ADCY6: variants seen among roughly 807,000 people sequenced by gnomAD.
The protein encoded by ADCY6 is adenylate cyclase type 6.
A neutral mutation model predicts 111.6 loss-of-function variants in ADCY6; 59 were observed. The observed-to-expected ratio is 0.53, with a 90% CI of 0.43 to 0.66. ADCY6 has a LOEUF of 0.66. ADCY6 is among the 30% of genes least tolerant of loss of function. ADCY6 has a pLI of 0.00. For synonymous variants in ADCY6, 576 were observed against 642.9 expected (o/e 0.90, Z 1.57); for missense variants, 1,242 against 1,595.6 (o/e 0.78, Z 3.78).
At chr12:48,779,476 T>C (rs1941790016) in intron 2 of ADCY6, among the ~76,000 whole-genome samples, 1 of 152,144 alleles carries the variant, frequency 6.6e-6, no homozygotes, top group Non-Finnish European at 1.5e-5. Flanking sequence ...TTGAGAGTCA[T>C]CAGTTCTACT....
chr12:48,772,686 A>C (rs763798700), intron 16 of ADCY6, 143 bp from the exon 17 acceptor site: 25 of 931,474 alleles, frequency 2.7e-5, no homozygotes, highest in Non-Finnish European at 3.6e-5. Context: ...TACATTAATT[A>C]ACTCATTAAG....
rs1457723867 is a variant in ADCY6, at chr12:48,777,929, G to A, written c.1014+179C>T. Among the ~76,000 whole-genome samples the A allele has an allele frequency of 6.6e-6, 1 of 152,062 alleles. No individual in the cohort carries two copies. The highest frequency in any genetic ancestry group is 1.5e-5 in the Non-Finnish European group (1 of 68,014). On this transcript the variant is annotated intron_variant, in intron 3 of 21. Coordinates refer to ENST00000357869, the MANE Select transcript of ADCY6 (RefSeq NM_015270.5). This position sits in a 1 kb window ranked among gnomAD's most constrained non-coding sequence, Gnocchi z 4.9. ...CCATTGAGCCCCCAGATGTGCTCCT[G>A]TCTACGCCCTCCTTCCCTTGGACAG...
intron 14 of ADCY6, 125 bp from the exon 15 acceptor site, chr12:48,774,223 C>A: frequency 9.3e-7 from 1 of 1,077,984 alleles, no homozygotes; most frequent in Non-Finnish European, 1.4e-6. Flanking sequence ...CCTTAGTACT[C>A]ACTCAGGGAT....
chr12:48,768,238 A>G lies in ADCY6; in HGVS notation c.*353T>C, dbSNP rs1941427547. On this transcript the variant is annotated 3_prime_UTR_variant, in exon 22 of 22. Transcript: ENST00000357869. The stretch of plus-strand genomic sequence containing the variant: ...AGCCCTGAACCTGCTGCCCAGACAG[A>G]CAGGGAAGGGTAGGCATGGCAAGCT... 5.5e-6 allele frequency: 2 copies of G among 365,594 alleles called. No individual in the cohort carries two copies. Among genetic ancestry groups the G allele is most frequent in the South Asian group, 5.6e-5 (2 of 35,452 alleles). The allele number at this position is 365,594 out of a possible 1,614,324, so 22.6% of individuals were successfully genotyped here.
intron 1 of ADCY6, among the ~76,000 whole-genome samples, chr12:48,787,076 G>A (rs994345864): frequency 2.0e-5 from 3 of 152,228 alleles, no homozygotes; most frequent in Non-Finnish European, 4.4e-5. Flanking sequence ...CGTCTTTCTA[G>A]CCAGTCAGAT....
Position 48,783,293 on chromosome 12 carries a change from G to A in ADCY6, c.142C>T (p.Arg48Trp), listed in dbSNP as rs755269541. ...GTGGGGCTGGGTGGCTCTGCATCCCGGAGGCAGCTCATATAGCGGGGCGTG... is the reference window on the plus strand; with the variant it reads ...GTGGGGCTGGGTGGCTCTGCATCCCAGAGGCAGCTCATATAGCGGGGCGTG... Reference protein sequence around the residue: ...FCTPRYMSCLRDAEPPSPTPA... With the variant: ...FCTPRYMSCLWDAEPPSPTPA... The change falls in exon 2 of 22, where the codon CGG becomes TGG. Residue 48 changes from arginine (R) to tryptophan (W), a missense_variant. Physicochemically the swap from Arg to Trp is moderately radical, Grantham distance 101. Around this residue, in one of 4 missense-constraint regions of ADCY6, gnomAD observed 362 missense variants for 377.2 expected, o/e 0.96. Coordinates refer to ENST00000357869, the MANE Select transcript of ADCY6 (RefSeq NM_015270.5). 2.2e-5 allele frequency: 35 copies of A among 1,612,982 alleles called. 1 individual carries two copies. The South Asian group carries it at 2.3e-4, about 11-fold the overall frequency.
Position 48,783,136 on chromosome 12 carries a change from G to T in ADCY6, c.299C>A (p.Ala100Glu). 1 of 1,608,166 alleles carries T rather than the reference G, an allele frequency of 6.2e-7. No individual in the cohort carries two copies. Residue 100 changes from alanine (A) to glutamate (E), a missense_variant, in exon 2 of 22, where the codon GCG becomes GAG. Coordinates refer to ENST00000357869, the MANE Select transcript of ADCY6 (RefSeq NM_015270.5). Reference protein sequence around the residue: ...GFEDTEVTTTAGGTAEVAPDA... With the variant: ...GFEDTEVTTTEGGTAEVAPDA... The stretch of plus-strand genomic sequence containing the variant: ...GGGCGCCACCTCAGCCGTCCCGCCC[G>T]CTGTCGTTGTCACCTCGGTATCCTC...
chr12:48,773,365 T>C, intron 16 of ADCY6, 104 bp downstream of exon 16: 1 of 1,317,724 alleles, frequency 7.6e-7, no homozygotes. Context: ...AGGGGTGTTG[T>C]GGCATTCCAA....
In ADCY6 at chr12:48,783,386, T is replaced by C; in HGVS notation, c.49A>G (p.Thr17Ala). 1 of 1,614,208 alleles carries C rather than the reference T, an allele frequency of 6.2e-7. No homozygotes were observed. Among genetic ancestry groups the C allele is most frequent in the Non-Finnish European group, 8.5e-7 (1 of 1,180,024 alleles). The change falls in exon 2 of 22, where the codon ACA (threonine) becomes GCA (alanine). Residue 17 changes from threonine to alanine, a missense_variant. Around this residue, in one of 4 missense-constraint regions of ADCY6, gnomAD observed 362 missense variants for 377.2 expected, o/e 0.96. Transcript: ENST00000357869. ...LLVPKVDERK[T>A]AWGERNGQKR... ...TGCCCATTGCGTTCACCCCAGGCTG[T>C]TTTCCGTTCATCCACTTTAGGGACC...
At chr12:48,788,274 G>A (rs1040407306) in intron 1 of ADCY6, among the ~76,000 whole-genome samples, 2 of 152,096 alleles carry the variant, frequency 1.3e-5, no homozygotes, top group Admixed American at 6.5e-5. Flanking sequence ...CCCCCACCAG[G>A]TCCCTCCAGC....
In ADCY6 at chr12:48,777,288, T is replaced by C; in HGVS notation, c.1249-57A>G. 1 of 1,594,788 alleles carries C rather than the reference T, an allele frequency of 6.3e-7. No homozygotes were observed. On this transcript the variant is annotated intron_variant, in intron 5 of 21. Coordinates refer to ENST00000357869, the MANE Select transcript of ADCY6 (RefSeq NM_015270.5). This position sits in a 1 kb window ranked among gnomAD's most constrained non-coding sequence, Gnocchi z 4.9. ...CCTTTACTCTCTTGCCCACCCAGCC[T>C]GCATGGCCCACCACCCTCCACGCAT... is the stretch of plus-strand genomic sequence containing the variant.
chr12:48,782,756 C>G lies in ADCY6; in HGVS notation c.679G>C (p.Ala227Pro). 6.2e-7 allele frequency: 1 copy of G among 1,608,840 alleles called. No individual in the cohort carries two copies. Among genetic ancestry groups the G allele is most frequent in the South Asian group, 1.1e-5 (1 of 90,374 alleles). ...GGGCTGCGCGGGTCTGCTGCGAGAG[C>G]GCCCCCGACCTGCACTGCCGCCAGG... is the stretch of plus-strand genomic sequence containing the variant. Reference protein sequence around the residue: ...GILAAVQVGGALAADPRSPSA... With the variant: ...GILAAVQVGGPLAADPRSPSA... Residue 227 changes from alanine (A) to proline (P), a missense_variant, in exon 2 of 22, where the codon GCT becomes CCT. Coordinates refer to ENST00000357869, the MANE Select transcript of ADCY6 (RefSeq NM_015270.5). The surrounding 1 kb of genome is among the most constrained non-coding windows in gnomAD (Gnocchi z 4.3).
intron 20 of ADCY6, among the ~76,000 whole-genome samples, chr12:48,769,857 G>C (rs1479664239): frequency 6.6e-6 from 1 of 151,358 alleles, no homozygotes; most frequent in African/African-American, 2.4e-5. Context: ...CGCCTCCCGG[G>C]TTCACACCAT....
chr12:48,788,854 T>C (rs975061081), intron 1 of ADCY6, 52 bp downstream of exon 1: 1 of 151,670 alleles, frequency 6.6e-6, no homozygotes, highest in African/African-American at 2.4e-5. Context: ...GTTCCAATCC[T>C]GGCGCACCGG....
At chr12:48,784,680 T>G (rs1219752976) in intron 1 of ADCY6, among the ~76,000 whole-genome samples, 2 of 142,476 alleles carry the variant, frequency 1.4e-5, no homozygotes, top group Non-Finnish European at 1.5e-5. Context: ...TTTTTTTTTT[T>G]TTTTTTTTTT....
Position 48,773,965 on chromosome 12 carries a change from G to A in ADCY6, c.2417C>T (p.Thr806Ile), listed in dbSNP as rs1226659148. 14 of 1,613,798 alleles carry A rather than the reference G, an allele frequency of 8.7e-6. No individual in the cohort carries two copies. The highest frequency in any genetic ancestry group is 1.3e-5 in the African/African-American group (1 of 74,932). ...LGLDAPLCEGTMPTCSFPEYF... is the reference protein window; with the variant it reads ...LGLDAPLCEGIMPTCSFPEYF... The stretch of plus-strand genomic sequence containing the variant: ...CTCAGGAAAGCTGCAGGTGGGCATG[G>A]TGCCCTCACACAGGGGAGCATCCAG... The change falls in exon 15 of 22, where the codon ACC becomes ATC. Residue 806 changes from threonine (T) to isoleucine (I), a missense_variant. Coordinates refer to ENST00000357869, the MANE Select transcript of ADCY6 (RefSeq NM_015270.5).
At chr12:48,775,555 G>T (rs538233309) in intron 10 of ADCY6, 105 bp from the exon 11 acceptor site, 108 of 1,577,664 alleles carry the variant, frequency 6.8e-5, no homozygotes, top group Admixed American at 1.0e-4. Context: ...GGAGAGCCAG[G>T]GGGGTGGCTC....
chr12:48,777,144 AG>A lies in ADCY6; in HGVS notation c.1335del (p.Cys446AlafsTer7). On this transcript the variant is annotated frameshift_variant, in exon 6 of 22. Transcript: ENST00000357869. LOFTEE classifies it high-confidence loss of function. This position sits in a 1 kb window ranked among gnomAD's most constrained non-coding sequence, Gnocchi z 4.9. ...GLPEARADHAHCCVEMGVDMI... is the reference protein window; with the variant it reads ...GLPEARADHAXCCVEMGVDMI... ...ATGTCTACCCCCATCTCCACACAGC[AG>A]TGGGCATGGTCGGCCCGGGCCTCCG... 6.2e-7 allele frequency: 1 copy of A among 1,613,764 alleles called. No homozygotes were observed. The highest frequency in any genetic ancestry group is 8.5e-7 in the Non-Finnish European group (1 of 1,179,796).
At position 48,775,666 on chromosome 12, in the gene ADCY6, G is replaced by T; in HGVS notation, c.1832+7C>A. The T allele has an allele frequency of 6.2e-7, 1 of 1,612,928 alleles. No individual in the cohort carries two copies. The highest frequency in any genetic ancestry group is 8.5e-7 in the Non-Finnish European group (1 of 1,179,018). On this transcript the variant is annotated splice_region_variant and intron_variant, in intron 10 of 21. Coordinates refer to ENST00000357869, the MANE Select transcript of ADCY6 (RefSeq NM_015270.5). ...GTGCCTTCTCCCTCCTCAGTAACCTGACTTACTTGTCTTTGCTGGAATCAT... is the reference window on the plus strand; with the variant it reads ...GTGCCTTCTCCCTCCTCAGTAACCTTACTTACTTGTCTTTGCTGGAATCAT...
Sources: gnomAD v4.1 joint callset for allele counts (sites outside exome capture counted in the v4.1 genomes callset) on GRCh38, gnomAD v4.1.1 for gene constraint, gnomAD v4.1.1 regional missense constraint, Gnocchi (gnomAD v3.1) non-coding constraint, MANE v1.5 for transcripts, NCBI Gene and HGNC (gene_info 2026-07-23, HGNC 2026-07-21) for gene names.